The following COLEC12 variants were observed in gnomAD, a reference collection of about 807,000 sequenced individuals.
The protein encoded by COLEC12 is collectin subfamily member 12, also known as collectin-12.
Under a neutral mutation model 71.1 loss-of-function variants are expected in COLEC12, and 33 were observed. The observed-to-expected ratio is 0.46, with a 90% CI of 0.35 to 0.62. The LOEUF (loss-of-function observed/expected upper bound fraction) is 0.62, where lower values mean the gene tolerates loss of function less well. Ranked by LOEUF, COLEC12 falls within the 20% of genes least tolerant of loss-of-function variation. COLEC12 has a pLI of 0.00. For missense variants in COLEC12, 765 were observed against 916.1 expected (o/e 0.84, Z 2.13); for synonymous variants, 350 against 353.0 (o/e 0.99, Z 0.10).
chr18:484,163 T>A (rs992064126), intron 1 of COLEC12, among the ~76,000 whole-genome samples: 3 of 152,230 alleles, frequency 2.0e-5, no homozygotes, highest in Admixed American at 2.0e-4. Flanking sequence ...TTCGTTTCCC[T>A]CTCTAATCTT....
intron 2 of COLEC12, among the ~76,000 whole-genome samples, chr18:429,203 T>G (rs185609914): frequency 9.9e-5 from 10 of 100,838 alleles, no homozygotes; most frequent in African/African-American, 2.8e-4. Context: ...TGTTTTTATG[T>G]TTTTTTTGTT....
intron 2 of COLEC12, among the ~76,000 whole-genome samples, chr18:410,976 T>C (rs1915883033): frequency 6.6e-6 from 1 of 151,962 alleles, no homozygotes; most frequent in African/African-American, 2.4e-5. Context: ...CCCACTGGGG[T>C]GGGGTAAGAG....
chr18:407,662 C>T (rs1031699465), intron 2 of COLEC12, among the ~76,000 whole-genome samples: 1 of 152,220 alleles, frequency 6.6e-6, no homozygotes, highest in Non-Finnish European at 1.5e-5. Flanking sequence ...TTTACTCACA[C>T]TACCAATCTG....
At chr18:436,496 C>G (rs1216405491) in intron 2 of COLEC12, among the ~76,000 whole-genome samples, 2 of 104,090 alleles carry the variant, frequency 1.9e-5, no homozygotes, top group African/African-American at 8.1e-5. Flanking sequence ...GCCCAGGTGA[C>G]AACAGCGAGA....
At chr18:391,610 TA>T (rs1915465805) in intron 2 of COLEC12, among the ~76,000 whole-genome samples, 1 of 152,184 alleles carries the variant, frequency 6.6e-6, no homozygotes, top group Admixed American at 6.5e-5. Flanking sequence ...CACTAGTTTA[TA>T]ATTTAGTGCA....
rs561556464 is a variant in COLEC12 at position 486,693 on chromosome 18, C to G, written c.8-5936G>C. The stretch of plus-strand genomic sequence containing the variant: ...GCTAGCAGCCGGGAAAGCTAAGAGG[C>G]AATGATTGATATTGCAGAATCCTGA... On this transcript the variant is annotated intron_variant, in intron 1 of 9. Transcript: ENST00000400256. 5.3e-5 allele frequency among the ~76,000 whole-genome samples: 8 copies of G among 152,208 alleles called. No homozygotes were observed. The East Asian group carries it at 9.7e-4, about 18-fold the overall frequency.
At chr18:326,331 T>A (rs1169188321) in intron 8 of COLEC12, among the ~76,000 whole-genome samples, 1 of 152,140 alleles carries the variant, frequency 6.6e-6, no homozygotes, top group Non-Finnish European at 1.5e-5. Flanking sequence ...ACATACTCTA[T>A]ATAGTTCTAG....
chr18:498,943 A>C (rs888338895), intron 1 of COLEC12, among the ~76,000 whole-genome samples: 2 of 152,188 alleles, frequency 1.3e-5, no homozygotes, highest in African/African-American at 4.8e-5. Flanking sequence ...GCATAACAAA[A>C]GTTTCAGGGT....
chr18:324,257 T>G (rs926517410), intron 8 of COLEC12, among the ~76,000 whole-genome samples: 7 of 152,180 alleles, frequency 4.6e-5, no homozygotes, highest in Non-Finnish European at 1.5e-5. Flanking sequence ...AAGCAAAATG[T>G]ATATATTTTG....
intron 2 of COLEC12, among the ~76,000 whole-genome samples, chr18:394,985 T>C (rs1028480422): frequency 2.6e-5 from 4 of 152,216 alleles, no homozygotes; most frequent in African/African-American, 7.2e-5. Context: ...AGTTAAAGGT[T>C]TGAGCAAGTG....
intron 1 of COLEC12, among the ~76,000 whole-genome samples, chr18:481,424 G>C (rs1238859258): frequency 6.6e-6 from 1 of 152,212 alleles, no homozygotes; most frequent in African/African-American, 2.4e-5. Context: ...AGAGATGTCG[G>C]CCGGGCGCAG....
chr18:494,566 C>T (rs767230380), intron 1 of COLEC12, among the ~76,000 whole-genome samples: 8 of 152,290 alleles, frequency 5.3e-5, no homozygotes, highest in Non-Finnish European at 7.3e-5. Flanking sequence ...CCACACTCCT[C>T]GCCCAGCACA....
chr18:424,197 G>C (rs952375673), intron 2 of COLEC12: 4 of 152,252 alleles, frequency 2.6e-5, no homozygotes, highest in Non-Finnish European at 4.4e-5. Context: ...CATCAGTGCA[G>C]CCAGCCTGGT....
chr18:451,317 G>C (rs553462362), intron 2 of COLEC12, among the ~76,000 whole-genome samples: 2 of 152,236 alleles, frequency 1.3e-5, no homozygotes, highest in Non-Finnish European at 2.9e-5. Flanking sequence ...TGAAATTAGA[G>C]CTTATATTTA....
intron 2 of COLEC12, among the ~76,000 whole-genome samples, chr18:442,073 G>A (rs1302214364): frequency 6.6e-6 from 1 of 150,388 alleles, no homozygotes; most frequent in Non-Finnish European, 1.5e-5. Context: ...GACTGTCAGT[G>A]GGGACTGAGA....
At position 487,351 on chromosome 18, in the gene COLEC12, T is replaced by C. The variant is rs372488444; in HGVS notation, c.8-6594A>G. ...GAACTGAGGAGTGACTGTTAGTGGG[T>C]AGAGGTTTCTTTTTAGGGTGGTGAA... is the stretch of plus-strand genomic sequence containing the variant. On this transcript the variant is annotated intron_variant, in intron 1 of 9. Coordinates refer to ENST00000400256, the MANE Select transcript of COLEC12 (RefSeq NM_130386.3). Among the ~76,000 whole-genome samples, 24 of 152,354 alleles carry C rather than the reference T, an allele frequency of 1.6e-4. No homozygotes were observed. In the East Asian group the frequency reaches 4.0e-3, roughly 26 times the overall value.
chr18:376,962 C>T (rs1425082485), intron 2 of COLEC12, among the ~76,000 whole-genome samples: 2 of 152,288 alleles, frequency 1.3e-5, no homozygotes, highest in South Asian at 2.1e-4. Context: ...TTGCCTGAAG[C>T]GTTTTTTATA....
chr18:474,677 G>A (rs1265452318), intron 2 of COLEC12, among the ~76,000 whole-genome samples: 4 of 152,216 alleles, frequency 2.6e-5, no homozygotes, highest in African/African-American at 7.2e-5. Flanking sequence ...AGAGGATACA[G>A]GGGCCAGATA....
intron 2 of COLEC12, among the ~76,000 whole-genome samples, chr18:366,530 A>G (rs1464006398): frequency 6.6e-6 from 1 of 151,330 alleles, no homozygotes; most frequent in East Asian, 1.9e-4. Flanking sequence ...ACACATCCAC[A>G]CTCCCCATGA....
Sources: allele counts gnomAD v4.1 joint callset (sites outside exome capture counted in the v4.1 genomes callset), GRCh38; gene constraint gnomAD v4.1.1; transcripts MANE v1.5; gene names NCBI Gene and HGNC (gene_info 2026-07-23, HGNC 2026-07-21).